XPC: variants seen among roughly 807,000 people sequenced by gnomAD.
XPC encodes XPC complex subunit, DNA damage recognition and repair factor.
XPC carries 76 observed loss-of-function variants against 95.8 expected under a neutral mutation model. The ratio of observed to expected loss-of-function variants is 0.79; its 90% CI spans 0.66 to 0.96. The LOEUF is 0.96. XPC is among the 40% of genes least tolerant of loss of function. The pLI, the probability that XPC is intolerant of heterozygous loss-of-function variation, is 0.00. For missense variants in XPC, 1,146 were observed against 1,179.8 expected, an observed-to-expected ratio of 0.97 and a Z score of 0.42; for synonymous variants, 442 against 442.1, an observed-to-expected ratio of 1.00 and a Z score of 0.00.
chr3:14,159,876 A>G (rs1253462775), intron 7 of XPC, 46 bp from the exon 8 acceptor site: 2 of 1,506,078 alleles, frequency 1.3e-6, no homozygotes, highest in African/African-American at 2.8e-5. Flanking sequence ...AAGTAATTAA[A>G]GATGTAATGA....
intron 9 of XPC, among the ~76,000 whole-genome samples, chr3:14,157,782 C>T (rs1695978178): frequency 6.6e-6 from 1 of 152,164 alleles, no homozygotes; most frequent in Non-Finnish European, 1.5e-5. Flanking sequence ...GGCTCCAAAG[C>T]CACACAGACC....
intron 7 of XPC, among the ~76,000 whole-genome samples, chr3:14,163,492 G>A (rs1484964867): frequency 6.6e-6 from 1 of 152,122 alleles, no homozygotes; most frequent in Non-Finnish European, 1.5e-5. Flanking sequence ...GCAAAAGACA[G>A]GCAGAAAAGG....
At chr3:14,178,213 C>A (rs1214488587) in intron 1 of XPC, 3 of 520,814 alleles carry the variant, frequency 5.8e-6, no homozygotes, top group Non-Finnish European at 1.0e-5. Flanking sequence ...ATCCTCTGGA[C>A]AACGGGGAGC....
intron 1 of XPC, 39 bp downstream of exon 1, chr3:14,178,427 G>C: frequency 2.6e-6 from 4 of 1,568,336 alleles, no homozygotes; most frequent in Non-Finnish European, 2.6e-6. Context: ...CCGCCCACCG[G>C]CGGCGTCTCC....
chr3:14,157,882 G>A, intron 9 of XPC, 129 bp downstream of exon 9: 2 of 1,321,250 alleles, frequency 1.5e-6, no homozygotes, highest in African/African-American at 1.5e-5. Flanking sequence ...TTATATGGCT[G>A]TGACAATTAA....
chr3:14,166,888 C>T (rs1696401254), intron 5 of XPC, among the ~76,000 whole-genome samples: 1 of 152,208 alleles, frequency 6.6e-6, no homozygotes, highest in Non-Finnish European at 1.5e-5. Context: ...GAATTAATGA[C>T]ATTAAATGGC....
At chr3:14,165,309 A>G in intron 6 of XPC, 119 bp downstream of exon 6, 47 of 1,316,008 alleles carry the variant, frequency 3.6e-5, no homozygotes, top group Non-Finnish European at 4.3e-5. Flanking sequence ...TGCCATGCCC[A>G]CCACCTGATA....
chr3:14,147,389 A>G lies in XPC; in HGVS notation c.2515-10T>C. On this transcript the variant is annotated splice_polypyrimidine_tract_variant and intron_variant, in intron 14 of 15. Coordinates refer to ENST00000285021, the MANE Select transcript of XPC (RefSeq NM_004628.5). ...CCCGCTTCTCCTTTTTCTGCAGGCA[A>G]AAATGAAGTGGGAGAAAAGTGTTAA... The G allele has an allele frequency of 1.3e-6, 2 of 1,598,710 alleles. No individual in the cohort carries two copies. The highest frequency in any genetic ancestry group is 1.7e-6 in the Non-Finnish European group (2 of 1,172,682).
rs1304610441 is a variant in XPC at position 14,146,028 on chromosome 3, T to C, written c.2736A>G (p.Glu912=). 1 of 1,612,652 alleles carries C rather than the reference T, an allele frequency of 6.2e-7. No homozygotes were observed. Among genetic ancestry groups the C allele is most frequent in the African/African-American group, 1.3e-5 (1 of 74,738 alleles). ...TGGGCCCACCCTTCAGCTTCTGCTT[T>C]TCTTCATCTTCTCGGTTTTGAGGCC... ...ASWPQNREDE[E]KQKLKGGPKK... Residue 912 remains glutamate (E), a synonymous_variant, in exon 16 of 16, where the codon GAA becomes GAG. Transcript: ENST00000285021.
Position 14,148,958 on chromosome 3 carries a change from A to G in XPC, c.2116-10T>C, listed in dbSNP as rs1695570524. 6.2e-7 allele frequency: 1 copy of G among 1,613,930 alleles called. No homozygotes were observed. Among genetic ancestry groups the G allele is most frequent in the Middle Eastern group, 1.7e-4 (1 of 6,060 alleles). On this transcript the variant is annotated splice_polypyrimidine_tract_variant and intron_variant, in intron 11 of 15. Transcript: ENST00000285021. ...AAAAGCCTTTCACCATCTGCACCAG[A>G]GGACACGGCCACCGTTTACAACAAA...
At chr3:14,148,974 T>G (rs1246110922) in intron 11 of XPC, 26 bp from the exon 12 acceptor site, 2 of 1,613,156 alleles carry the variant, frequency 1.2e-6, no homozygotes, top group Non-Finnish European at 1.7e-6. Context: ...CGGCCACCGT[T>G]TACAACAAAG....
rs1288540259 is a variant in XPC, at chr3:14,145,202, G to T, written c.*739C>A. 3 of 587,338 alleles carry T rather than the reference G, an allele frequency of 5.1e-6. No homozygotes were observed. The highest frequency in any genetic ancestry group is 9.1e-6 in the Non-Finnish European group (3 of 329,742). 36.4% of individuals were successfully genotyped at this position (587,338 alleles called of 1,614,324 possible). ...ATGTTATAAAAGTCATTTCTCCTTA[G>T]TACAGAGAGCTTTATACATTTTATC... is the stretch of plus-strand genomic sequence containing the variant. On this transcript the variant is annotated 3_prime_UTR_variant, in exon 16 of 16. Transcript: ENST00000285021.
Position 14,158,946 on chromosome 3 carries a change from A to G in XPC, c.991-54T>C, listed in dbSNP as rs975000099. ...TTTTCTCCCCCCTCTTTTGCTAATG[A>G]TATGATAGAAATCCTGTAATCTAAT... On this transcript the variant is annotated intron_variant, in intron 8 of 15. Coordinates refer to ENST00000285021, the MANE Select transcript of XPC (RefSeq NM_004628.5). This position sits in a 1 kb window ranked among gnomAD's most constrained non-coding sequence, Gnocchi z 5.2. 2.5e-6 allele frequency: 4 copies of G among 1,607,044 alleles called. No individual in the cohort carries two copies. The highest frequency in any genetic ancestry group is 2.5e-6 in the Non-Finnish European group (3 of 1,177,576).
chr3:14,167,184 A>G lies in XPC; in HGVS notation c.606T>C (p.His202=), dbSNP rs766728491. ...TTGCCCTTACCTTGTGTGTGTCCTCATGGACCCCTTTATTGAAACGTTTCA... is the reference window on the plus strand; with the variant it reads ...TTGCCCTTACCTTGTGTGTGTCCTCGTGGACCCCTTTATTGAAACGTTTCA... ...RAMKRFNKGV[H]EDTHKVHLLC... Residue 202 remains histidine (H), a synonymous_variant, in exon 5 of 16, where the codon CAT becomes CAC. Transcript: ENST00000285021. 1.2e-6 allele frequency: 2 copies of G among 1,608,000 alleles called. No homozygotes were observed. Among genetic ancestry groups the G allele is most frequent in the South Asian group, 1.1e-5 (1 of 89,998 alleles).
chr3:14,167,503 A>C (rs1487697023), intron 4 of XPC, among the ~76,000 whole-genome samples: 1 of 152,014 alleles, frequency 6.6e-6, no homozygotes, highest in African/African-American at 2.4e-5. Context: ...AGCAGATCAC[A>C]CCTCACCTAC....
At chr3:14,156,859 G>C (rs112060172) in intron 9 of XPC, among the ~76,000 whole-genome samples, 3 of 152,330 alleles carry the variant, frequency 2.0e-5, no homozygotes, top group Admixed American at 1.3e-4. Context: ...TCCTCTTCTA[G>C]AGCGTGAGCT....
At position 14,145,730 on chromosome 3, in the gene XPC, T is replaced by G. The variant is rs1234760148; in HGVS notation, c.*211A>C. The G allele has an allele frequency of 1.4e-6, 1 of 714,210 alleles. No individual in the cohort carries two copies. 44.2% of individuals were successfully genotyped at this position (714,210 alleles called of 1,614,324 possible). ...AAAGCTTTGAAGGCTTCACCCTGGG[T>G]GAATCTGACAAGGGCTGGAGCCAGA... On this transcript the variant is annotated 3_prime_UTR_variant, in exon 16 of 16. Transcript: ENST00000285021.
chr3:14,147,831 G>A, intron 14 of XPC, 77 bp downstream of exon 14: 1 of 1,340,776 alleles, frequency 7.5e-7, no homozygotes, highest in Non-Finnish European at 1.0e-6. Context: ...CACGGAGGCG[G>A]CCTGGGGAAG....
At chr3:14,178,426 G>C in intron 1 of XPC, 40 bp downstream of exon 1, 1 of 1,567,342 alleles carries the variant, frequency 6.4e-7, no homozygotes, top group Non-Finnish European at 8.6e-7. Context: ...TCCGCCCACC[G>C]GCGGCGTCTC....
Sources: allele counts gnomAD v4.1 joint callset (sites outside exome capture counted in the v4.1 genomes callset), GRCh38; gene constraint gnomAD v4.1.1; non-coding constraint Gnocchi (gnomAD v3.1); transcripts MANE v1.5; gene names NCBI Gene and HGNC (gene_info 2026-07-23, HGNC 2026-07-21).